KATNIP: variants seen among roughly 807,000 people sequenced by gnomAD.
KATNIP encodes katanin-interacting protein.
KATNIP carries 126 observed loss-of-function variants against 174.0 expected under a neutral mutation model. The observed-to-expected ratio is 0.72, with a 90% CI of 0.63 to 0.84. KATNIP has a LOEUF of 0.84. KATNIP is among the 40% of genes least tolerant of loss of function. The pLI is 0.00. For missense variants in KATNIP, 1,958 were observed against 2,109.7 expected (o/e 0.93, Z 1.41); for synonymous variants, 810 against 835.7 (o/e 0.97, Z 0.53).
chr16:27,699,585 G>T lies in KATNIP; in HGVS notation c.1165G>T (p.Glu389Ter). 6.2e-7 allele frequency: 1 copy of T among 1,614,174 alleles called. No homozygotes were observed. Residue 389 changes from glutamate (E) to a stop codon, truncating the protein, a stop_gained, in exon 10 of 28, where the codon GAA becomes TAA. Coordinates refer to ENST00000261588, the MANE Select transcript of KATNIP (RefSeq NM_015202.5). LOFTEE classifies it high-confidence loss of function. ...KPWTSLLEEK[E>*]ETLELLPITT... Reference sequence around the variant, plus strand: ...ATGGACCAGTCTGCTGGAGGAGAAGGAAGAGACCCTTGAGGTCAGTGCTAG... The same window carrying T: ...ATGGACCAGTCTGCTGGAGGAGAAGTAAGAGACCCTTGAGGTCAGTGCTAG...
At chr16:27,641,186 A>G (rs921726208) in intron 5 of KATNIP, among the ~76,000 whole-genome samples, 4 of 151,618 alleles carry the variant, frequency 2.6e-5, no homozygotes, top group Non-Finnish European at 5.9e-5. Context: ...CTTGAACATT[A>G]GAGCTCTCTT....
chr16:27,617,847 C>G (rs1219778921), intron 2 of KATNIP, among the ~76,000 whole-genome samples: 2 of 152,108 alleles, frequency 1.3e-5, no homozygotes, highest in East Asian at 1.9e-4. Context: ...CAGTCCTCCC[C>G]CTTCAGCCCC....
chr16:27,602,699 T>G (rs1359225802), intron 2 of KATNIP, among the ~76,000 whole-genome samples: 1 of 151,672 alleles, frequency 6.6e-6, no homozygotes, highest in African/African-American at 2.4e-5. Flanking sequence ...GGTTTTCCTC[T>G]TCTTCTTCTT....
chr16:27,723,669 A>G (rs2080328257), intron 14 of KATNIP, among the ~76,000 whole-genome samples: 1 of 152,188 alleles, frequency 6.6e-6, no homozygotes, highest in Non-Finnish European at 1.5e-5. Flanking sequence ...CTAATAATCC[A>G]TAAGCAGTTG....
chr16:27,583,050 A>G (rs2090757921), intron 2 of KATNIP, among the ~76,000 whole-genome samples: 1 of 152,176 alleles, frequency 6.6e-6, no homozygotes, highest in African/African-American at 2.4e-5. Context: ...TGGGCACTGC[A>G]GGAGATGTGT....
rs568673711 is a variant in KATNIP at position 27,710,012 on chromosome 16, T to G, written c.1605+1092T>G. On this transcript the variant is annotated intron_variant, in intron 13 of 27. Transcript: ENST00000261588. ...TGCCCACACCCCCTCAGGACCCTGC[T>G]GCCCTAGGTCGTGAGGTGCACACTC... 3.1e-4 allele frequency among the ~76,000 whole-genome samples: 47 copies of G among 152,318 alleles called. No homozygotes were observed. In the South Asian group the frequency reaches 9.5e-3, roughly 31 times the overall value.
At chr16:27,656,392 TAGGCAAC>T (rs2077284885) in intron 6 of KATNIP, among the ~76,000 whole-genome samples, 1 of 120,096 alleles carries the variant, frequency 8.3e-6, no homozygotes, top group Admixed American at 1.2e-4. Context: ...CACTCCAGCC[TAGGCAAC>T]AGAGTGAGAC....
chr16:27,603,354 C>G (rs559181178), intron 2 of KATNIP, among the ~76,000 whole-genome samples: 1 of 152,118 alleles, frequency 6.6e-6, no homozygotes, highest in Non-Finnish European at 1.5e-5. Flanking sequence ...ATTATTTAAA[C>G]GATAAACTAA....
chr16:27,659,452 C>T (rs71388100), intron 6 of KATNIP, among the ~76,000 whole-genome samples: 1 of 151,374 alleles, frequency 6.6e-6, no homozygotes, highest in Non-Finnish European at 1.5e-5. Context: ...TGAGGCTCCC[C>T]TAAGCCATGA....
At chr16:27,573,336 C>T (rs1286789335) in intron 1 of KATNIP, among the ~76,000 whole-genome samples, 1 of 152,240 alleles carries the variant, frequency 6.6e-6, no homozygotes, top group Non-Finnish European at 1.5e-5. Context: ...ATTATGATGT[C>T]ACTCTGTTGA....
chr16:27,605,062 G>A (rs1038801003), intron 2 of KATNIP, among the ~76,000 whole-genome samples: 3 of 152,122 alleles, frequency 2.0e-5, no homozygotes, highest in Non-Finnish European at 4.4e-5. Flanking sequence ...CTGAGTAGCT[G>A]GGATTACAGG....
In KATNIP at chr16:27,779,390, G is replaced by A. The variant is rs1168434701; in HGVS notation, c.*761G>A. The A allele has an allele frequency of 2.0e-5, 3 of 152,426 alleles. No homozygotes were observed. The highest frequency in any genetic ancestry group is 2.9e-5 in the Non-Finnish European group (2 of 68,208). The allele number at this position is 152,426 out of a possible 1,614,324, so 9.4% of individuals were successfully genotyped here. ...CTGCGTGCTGCTGCCGGGCCAGGAA[G>A]GGTGGGTGGGTGGCCAGCAGGCTGG... On this transcript the variant is annotated 3_prime_UTR_variant, in exon 28 of 28. Transcript: ENST00000261588.
chr16:27,642,885 G>T (rs1170906254), intron 5 of KATNIP, among the ~76,000 whole-genome samples: 1 of 151,542 alleles, frequency 6.6e-6, no homozygotes, highest in South Asian at 2.1e-4. Flanking sequence ...TGGGATTAGA[G>T]GTGTGAGCCA....
At chr16:27,641,712 T>G (rs1265446798) in intron 5 of KATNIP, among the ~76,000 whole-genome samples, 1 of 152,260 alleles carries the variant, frequency 6.6e-6, no homozygotes, top group African/African-American at 2.4e-5. Flanking sequence ...CCTGGGATAC[T>G]GCTCAGGTTT....
chr16:27,704,789 C>T (rs940524788), intron 12 of KATNIP, among the ~76,000 whole-genome samples: 1 of 151,590 alleles, frequency 6.6e-6, no homozygotes, highest in Non-Finnish European at 1.5e-5. Context: ...GACAACCACA[C>T]AAAGATGTGG....
At chr16:27,674,589 CTCTCA>C (rs1190307588) in intron 6 of KATNIP, among the ~76,000 whole-genome samples, 1 of 152,236 alleles carries the variant, frequency 6.6e-6, no homozygotes, top group East Asian at 1.9e-4. Flanking sequence ...TCCTGCTTCT[CTCTCA>C]TAAGGACGCC....
intron 6 of KATNIP, among the ~76,000 whole-genome samples, chr16:27,656,204 A>G (rs1328691988): frequency 6.6e-6 from 1 of 151,980 alleles, no homozygotes; most frequent in East Asian, 1.9e-4. Context: ...GGTGGTAGGA[A>G]TGCTTGAAGC....
chr16:27,638,006 A>G (rs539153866), intron 5 of KATNIP, among the ~76,000 whole-genome samples: 3 of 152,264 alleles, frequency 2.0e-5, no homozygotes, highest in African/African-American at 7.2e-5. Context: ...TCGTAGCTTC[A>G]GTGTTCCCCT....
chr16:27,690,855 T>C (rs2142905860), intron 8 of KATNIP, among the ~76,000 whole-genome samples: 1 of 152,322 alleles, frequency 6.6e-6, no homozygotes, highest in South Asian at 2.1e-4. Context: ...CTCCAGCCGA[T>C]GGTTCCCACA....
Sources: allele counts gnomAD v4.1 joint callset (sites outside exome capture counted in the v4.1 genomes callset), GRCh38; gene constraint gnomAD v4.1.1; transcripts MANE v1.5; gene names NCBI Gene and HGNC (gene_info 2026-07-23, HGNC 2026-07-21).